Variants in CYTH3 observed in about 807,000 individuals in gnomAD.
CYTH3 encodes the protein cytohesin-3.
A neutral mutation model predicts 55.1 loss-of-function variants in CYTH3; 23 were observed. The ratio of observed to expected loss-of-function variants is 0.42; its 90% CI spans 0.30 to 0.59. The LOEUF (loss-of-function observed/expected upper bound fraction) is 0.59. Ranked by LOEUF, CYTH3 falls within the 20% of genes least tolerant of loss-of-function variation. The pLI, the probability that CYTH3 is intolerant of heterozygous loss-of-function variation, is 0.20. For missense variants in CYTH3, 413 were observed against 524.8 expected (o/e 0.79, Z 2.08); for synonymous variants, 249 against 194.9 (o/e 1.28, Z -2.31).
chr7:6,165,241 G>T (rs762373616), intron 12 of CYTH3, 32 bp downstream of exon 12: 1 of 1,590,360 alleles, frequency 6.3e-7, no homozygotes, highest in Non-Finnish European at 8.6e-7. Flanking sequence ...ACGAGAAGAC[G>T]GGCCTGGCCC....
chr7:6,184,019 A>G (rs1783572783), intron 4 of CYTH3, among the ~76,000 whole-genome samples: 2 of 114,438 alleles, frequency 1.7e-5, no homozygotes, highest in Admixed American at 9.4e-5. Context: ...AAGAAAATAC[A>G]TTTCCATTGT....
chr7:6,183,319 A>G (rs1318996692), intron 4 of CYTH3, among the ~76,000 whole-genome samples: 1 of 152,062 alleles, frequency 6.6e-6, no homozygotes, highest in East Asian at 1.9e-4. Flanking sequence ...AGCTGATCCC[A>G]TTTATCTTCT....
At position 6,187,177 on chromosome 7, in the gene CYTH3, G is replaced by A. The variant is rs950270225; in HGVS notation, c.183-61C>T. Reference sequence around the variant, plus strand: ...TGTTTTCACAATGCAGCCCAGTCACGGCCCTCCAGTGTACTTTCCCCCGCA... The same window carrying A: ...TGTTTTCACAATGCAGCCCAGTCACAGCCCTCCAGTGTACTTTCCCCCGCA... On this transcript the variant is annotated intron_variant, in intron 3 of 12. Transcript: ENST00000350796. 3.9e-6 allele frequency: 6 copies of A among 1,531,262 alleles called. No individual in the cohort carries two copies. In the Admixed American group the frequency reaches 6.7e-5, roughly 17 times the overall value. The allele number at this position is 1,531,262 out of a possible 1,614,324, so 94.9% of individuals were successfully genotyped here.
chr7:6,249,142 A>T (rs1009795099), intron 1 of CYTH3, among the ~76,000 whole-genome samples: 3 of 152,162 alleles, frequency 2.0e-5, no homozygotes, highest in Non-Finnish European at 2.9e-5. Context: ...GCGTGTAGGT[A>T]ACTTTTCTCA....
chr7:6,179,877 CCA>C (rs1306906738), intron 4 of CYTH3, among the ~76,000 whole-genome samples: 8 of 82,156 alleles, frequency 9.7e-5, no homozygotes, highest in African/African-American at 1.6e-4. Flanking sequence ...CCCACACACA[CCA>C]CACACACCAC....
At chr7:6,252,838 T>G (rs577340608) in intron 1 of CYTH3, among the ~76,000 whole-genome samples, 1 of 152,318 alleles carries the variant, frequency 6.6e-6, no homozygotes, top group South Asian at 2.1e-4. Context: ...TTAAGTTCAT[T>G]TCTTTATAAA....
chr7:6,234,062 C>T (rs181789440), intron 1 of CYTH3, among the ~76,000 whole-genome samples: 2 of 152,266 alleles, frequency 1.3e-5, no homozygotes, highest in East Asian at 3.9e-4. Context: ...CACCTCAGGG[C>T]GAGGATTTTA....
At position 6,164,817 on chromosome 7, in the gene CYTH3, T is replaced by C. The variant is rs1782939241; in HGVS notation, c.*127A>G. 4 of 1,064,524 alleles carry C rather than the reference T, an allele frequency of 3.8e-6. No homozygotes were observed. The South Asian group carries it at 5.6e-5, about 15-fold the overall frequency. 65.9% of individuals were successfully genotyped at this position (1,064,524 alleles called of 1,614,324 possible). On this transcript the variant is annotated 3_prime_UTR_variant, in exon 13 of 13. Coordinates refer to ENST00000350796, the MANE Select transcript of CYTH3 (RefSeq NM_004227.4). The stretch of plus-strand genomic sequence containing the variant: ...CTTGGGGATACCACCTGGGCCACGG[T>C]ATGCTCTGGAGCAGCAGCTTGCACC...
chr7:6,242,342 C>T lies in CYTH3; in HGVS notation c.34+30132G>A, dbSNP rs185909255. Among the ~76,000 whole-genome samples the T allele has an allele frequency of 2.4e-3, 352 of 148,530 alleles. 2 individuals are homozygous for T. The highest frequency in any genetic ancestry group is 8.2e-3 in the African/African-American group (328 of 40,082). On this transcript the variant is annotated intron_variant, in intron 1 of 12. Transcript: ENST00000350796. ...CCACCCGCCTCGGCCTCCCAAAGTG[C>T]TGGGATTACAGACATGAGCCACCGC...
chr7:6,264,439 C>T (rs1780433312), intron 1 of CYTH3, among the ~76,000 whole-genome samples: 1 of 152,088 alleles, frequency 6.6e-6, no homozygotes, highest in Non-Finnish European at 1.5e-5. Context: ...AGGTGAGACA[C>T]TGTCTCTAGT....
chr7:6,268,327 C>T lies in CYTH3; in HGVS notation c.34+4147G>A, dbSNP rs546997751. On this transcript the variant is annotated intron_variant, in intron 1 of 12. Transcript: ENST00000350796. ...AGATTACAGGCACGCACCACCACTC[C>T]CGGCTAATTTTTGTATTTTTTTAGT... Among the ~76,000 whole-genome samples, 9 of 152,244 alleles carry T rather than the reference C, an allele frequency of 5.9e-5. No individual in the cohort carries two copies. The East Asian group carries it at 1.7e-3, about 29-fold the overall frequency.
At chr7:6,248,983 C>A (rs1445750302) in intron 1 of CYTH3, among the ~76,000 whole-genome samples, 2 of 152,172 alleles carry the variant, frequency 1.3e-5, no homozygotes, top group Non-Finnish European at 2.9e-5. Flanking sequence ...CTTCTGAATT[C>A]TTTTGATGTC....
At chr7:6,271,396 G>C (rs970435651) in intron 1 of CYTH3, among the ~76,000 whole-genome samples, 3 of 151,964 alleles carry the variant, frequency 2.0e-5, no homozygotes, top group Non-Finnish European at 4.4e-5. Flanking sequence ...CCGGCAGCCT[G>C]TAATTAAGAT....
chr7:6,187,083 C>A lies in CYTH3; in HGVS notation c.216G>T (p.Met72Ile). 6 of 1,614,170 alleles carry A rather than the reference C, an allele frequency of 3.7e-6. No individual in the cohort carries two copies. Among genetic ancestry groups the A allele is most frequent in the Non-Finnish European group, 5.1e-6 (6 of 1,180,024 alleles). The change falls in exon 4 of 13, where the codon ATG becomes ATT. Residue 72 changes from methionine (M) to isoleucine (I), a missense_variant. Transcript: ENST00000350796. ...KTTQRNKQIA[M>I]GRKKFNMDPK... ...GATCCATGTTGAATTTCTTTCTTCCCATGGCTATCTGTTTGTTCCTCTGAG... is the reference window on the plus strand; with the variant it reads ...GATCCATGTTGAATTTCTTTCTTCCAATGGCTATCTGTTTGTTCCTCTGAG...
rs1780264226 is a variant in CYTH3, at chr7:6,259,779, T to TA, written c.34+12694dup. On this transcript the variant is annotated intron_variant, in intron 1 of 12. Coordinates refer to ENST00000350796, the MANE Select transcript of CYTH3 (RefSeq NM_004227.4). ...ATATTATATATATATATATTATATA[T>TA]ATATAATATATATATATATATATAT... Among the ~76,000 whole-genome samples the TA allele has an allele frequency of 3.9e-3, 79 of 20,148 alleles. 3 individuals carry two copies. Among genetic ancestry groups the TA allele is most frequent in the Admixed American group, 3.8e-3 (4 of 1,060 alleles). The allele number at this position is 20,148 out of a possible 152,430, so 13.2% of individuals were successfully genotyped here.
At chr7:6,186,819 G>C (rs183740104) in intron 4 of CYTH3, among the ~76,000 whole-genome samples, 1 of 152,170 alleles carries the variant, frequency 6.6e-6, no homozygotes, top group East Asian at 1.9e-4. Context: ...TCCTCACCCA[G>C]CAGCTCACTC....
intron 4 of CYTH3, among the ~76,000 whole-genome samples, chr7:6,180,088 G>A (rs970880864): frequency 6.6e-6 from 1 of 152,200 alleles, no homozygotes; most frequent in African/African-American, 2.4e-5. Flanking sequence ...GAGAAGCCAG[G>A]TGAGGCCATC....
At chr7:6,271,222 C>G (rs1727414925) in intron 1 of CYTH3, among the ~76,000 whole-genome samples, 1 of 152,128 alleles carries the variant, frequency 6.6e-6, no homozygotes, top group African/African-American at 2.4e-5. Flanking sequence ...CTGAACTCGC[C>G]AAATGCCATG....
At chr7:6,186,768 G>A (rs557931052) in intron 4 of CYTH3, among the ~76,000 whole-genome samples, 66 of 152,276 alleles carry the variant, frequency 4.3e-4, no homozygotes, top group South Asian at 1.9e-3. Flanking sequence ...AGCCAAGCCC[G>A]GCCTGTGCTG....
Sources: allele counts gnomAD v4.1 joint callset (sites outside exome capture counted in the v4.1 genomes callset), GRCh38; gene constraint gnomAD v4.1.1; transcripts MANE v1.5; gene names NCBI Gene and HGNC (gene_info 2026-07-23, HGNC 2026-07-21).